DYSF: variants seen among roughly 807,000 people sequenced by gnomAD.
DYSF encodes the protein dysferlin, also known as dystrophy-associated fer-1-like 1.
A neutral mutation model predicts 274.9 loss-of-function variants in DYSF; 212 were observed. That is an observed-to-expected ratio of 0.77 (90% CI 0.69 to 0.86). The LOEUF is 0.86. DYSF is among the 40% of genes least tolerant of loss of function. The pLI, the probability that DYSF is intolerant of heterozygous loss-of-function variation, is 0.00. For missense variants in DYSF, 2,666 were observed against 2,783.2 expected (o/e 0.96, Z 0.95); for synonymous variants, 1,091 against 1,078.7 (o/e 1.01, Z -0.22).
chr2:71,610,602 T>C (rs1464960849), intron 36 of DYSF, among the ~76,000 whole-genome samples: 1 of 152,206 alleles, frequency 6.6e-6, no homozygotes, highest in Non-Finnish European at 1.5e-5. Context: ...GTCTCTGTAG[T>C]GGAGAGAGAC....
intron 36 of DYSF, among the ~76,000 whole-genome samples, chr2:71,605,206 G>T (rs2093624225): frequency 6.6e-6 from 1 of 152,128 alleles, no homozygotes; most frequent in South Asian, 2.1e-4. Flanking sequence ...TTTGCTCCTT[G>T]GCCCCAGCTT....
chr2:71,611,046 G>A (rs1448464306), intron 36 of DYSF, 199 bp from the exon 37 acceptor site: 2 of 626,782 alleles, frequency 3.2e-6, no homozygotes, highest in Non-Finnish European at 5.8e-6. Context: ...CTGGAATTGT[G>A]ATCCTGGAGA....
chr2:71,642,041 T>G (rs183508485), intron 41 of DYSF, among the ~76,000 whole-genome samples: 1 of 152,368 alleles, frequency 6.6e-6, no homozygotes, highest in East Asian at 1.9e-4. Context: ...CTCTAATTCC[T>G]TTGGAAATTT....
intron 22 of DYSF, 118 bp downstream of exon 22, chr2:71,556,189 G>A (rs965937620): frequency 7.0e-6 from 6 of 852,864 alleles, no homozygotes; most frequent in African/African-American, 5.0e-5. Context: ...CGCTTGGCCA[G>A]CAGTCCAGCC....
At chr2:71,662,903 T>G in intron 45 of DYSF, among the ~76,000 whole-genome samples, 1 of 37,976 alleles carries the variant, frequency 2.6e-5, no homozygotes, top group East Asian at 8.7e-4. Flanking sequence ...TACATTTGTG[T>G]GCCTGTGTGT....
At position 71,665,320 on chromosome 2, in the gene DYSF, AC is replaced by A. The variant is rs573369323; in HGVS notation, c.5317+20del. 86 of 1,613,852 alleles carry A rather than the reference AC, an allele frequency of 5.3e-5. No homozygotes were observed. The Admixed American group carries it at 1.0e-3, about 19-fold the overall frequency. ...GAAGAGATAGGTGAGCTGCCACATG[AC>A]CCCAAACCATGGTGGGCTCTCGCTG... On this transcript the variant is annotated intron_variant, in intron 47 of 55. Coordinates refer to ENST00000410020, the MANE Select transcript of DYSF (RefSeq NM_001130987.2).
At position 71,609,465 on chromosome 2, in the gene DYSF, C is replaced by T. The variant is rs180701125; in HGVS notation, c.3958-1780C>T. Among the ~76,000 whole-genome samples, 67 of 149,990 alleles carry T rather than the reference C, an allele frequency of 4.5e-4. No homozygotes were observed. In the East Asian group the frequency reaches 0.012, roughly 27 times the overall value. On this transcript the variant is annotated intron_variant, in intron 36 of 55. Transcript: ENST00000410020. ...GGGAGATCAACACCAACACCAATGG[C>T]AAAAACAATGGTACTAACAACAATT...
intron 41 of DYSF, among the ~76,000 whole-genome samples, chr2:71,628,456 G>C (rs1018008490): frequency 6.6e-6 from 1 of 150,464 alleles, no homozygotes; most frequent in African/African-American, 2.5e-5. Context: ...TCCTGAAGTA[G>C]GGCCTATTGA....
At chr2:71,499,623 G>T (rs1422240196) in intron 3 of DYSF, among the ~76,000 whole-genome samples, 1 of 152,214 alleles carries the variant, frequency 6.6e-6, no homozygotes, top group African/African-American at 2.4e-5. Context: ...TTGGGAACTA[G>T]TTCTTTTTCT....
chr2:71,579,011 A>T (rs143529268), intron 30 of DYSF, among the ~76,000 whole-genome samples: 9 of 152,232 alleles, frequency 5.9e-5, no homozygotes, highest in Non-Finnish European at 1.0e-4. Flanking sequence ...GGGTTTCATA[A>T]TCTTCCTGGC....
At chr2:71,539,374 G>A in intron 17 of DYSF, 135 bp downstream of exon 17, 1 of 762,102 alleles carries the variant, frequency 1.3e-6, no homozygotes, top group Non-Finnish European at 2.3e-6. Flanking sequence ...ATTTTCCACT[G>A]AGAAGAGCTC....
At position 71,645,647 on chromosome 2, in the gene DYSF, T is replaced by TG. The variant is rs5832062; in HGVS notation, c.4626+1586dup. 1 allele frequency among the ~76,000 whole-genome samples: 151,977 copies of TG among 151,980 alleles called. 75,987 individuals are homozygous for TG. Among genetic ancestry groups the TG allele is most frequent in the Middle Eastern group, 1 (294 of 294 alleles). ...GAAATGCCTGTCCTCCCTAGGCCTG[T>TG]GGCACAGGCCCGGGGGATGAAGCCC... is the stretch of plus-strand genomic sequence containing the variant. On this transcript the variant is annotated intron_variant, in intron 42 of 55. Coordinates refer to ENST00000410020, the MANE Select transcript of DYSF (RefSeq NM_001130987.2).
intron 12 of DYSF, among the ~76,000 whole-genome samples, chr2:71,521,153 C>A (rs905834504): frequency 6.6e-6 from 1 of 152,122 alleles, no homozygotes; most frequent in Non-Finnish European, 1.5e-5. Flanking sequence ...CATTGCACAT[C>A]CCTCTGGAAG....
intron 1 of DYSF, among the ~76,000 whole-genome samples, chr2:71,478,913 C>A (rs758804623): frequency 4.6e-5 from 7 of 152,074 alleles, no homozygotes; most frequent in Admixed American, 6.6e-5. Flanking sequence ...CTTCCCTCCT[C>A]CTCTTCTCCA....
intron 41 of DYSF, among the ~76,000 whole-genome samples, chr2:71,640,455 A>G (rs1349330128): frequency 6.6e-6 from 1 of 152,052 alleles, no homozygotes; most frequent in Non-Finnish European, 1.5e-5. Context: ...GGCTTGGGGG[A>G]CATAAGGTCT....
At chr2:71,476,844 G>C (rs1176785598) in intron 1 of DYSF, among the ~76,000 whole-genome samples, 1 of 145,066 alleles carries the variant, frequency 6.9e-6, no homozygotes, top group Non-Finnish European at 1.5e-5. Flanking sequence ...TTTTTCCATG[G>C]AATACTGTTT....
At chr2:71,620,502 G>T in intron 40 of DYSF, 45 bp from the exon 41 acceptor site, 1 of 1,549,870 alleles carries the variant, frequency 6.5e-7, no homozygotes, top group Non-Finnish European at 8.7e-7. Context: ...CTTCCCTAAA[G>T]TGGGTTCTCT....
chr2:71,463,443 T>TG (rs1436315744), upstream of DYSF, among the ~76,000 whole-genome samples: 2 of 152,116 alleles, frequency 1.3e-5, no homozygotes, highest in Non-Finnish European at 2.9e-5. Context: ...CCTGGGAGCT[T>TG]GGGGCTCCCA....
rs772568748 is a variant in DYSF at position 71,574,200 on chromosome 2, C to A, written c.3231C>A (p.His1077Gln). Residue 1077 changes from histidine to glutamine, a missense_variant and splice_region_variant, in exon 30 of 56, where the codon CAC becomes CAA. Around this residue, in one of 3 missense-constraint regions of DYSF, gnomAD observed 1,460 missense variants for 1,502.1 expected, o/e 0.97. Transcript: ENST00000410020. ...AGTCTGCCCCTTCTCTTGTGCAGCA[C>A]AGGCAGGCGGAGGCGGAGGGCGAGG... ...DLSQMEALKR[H>Q]RQAEAEGEGW... The A allele has an allele frequency of 6.2e-7, 1 of 1,605,812 alleles. No individual in the cohort carries two copies. The highest frequency in any genetic ancestry group is 8.5e-7 in the Non-Finnish European group (1 of 1,173,750).
Sources: gnomAD v4.1 joint callset for allele counts (sites outside exome capture counted in the v4.1 genomes callset) on GRCh38, gnomAD v4.1.1 for gene constraint, gnomAD v4.1.1 regional missense constraint, MANE v1.5 for transcripts, NCBI Gene and HGNC (gene_info 2026-07-23, HGNC 2026-07-21) for gene names.